Variants in FBXW11 observed in about 807,000 individuals in gnomAD.
The protein encoded by FBXW11 is F-box/WD repeat-containing protein 11.
FBXW11 carries 19 observed loss-of-function variants against 77.6 expected under a neutral mutation model. The ratio of observed to expected loss-of-function variants is 0.24; its 90% CI spans 0.17 to 0.36. The LOEUF (loss-of-function observed/expected upper bound fraction) is 0.36. Among genes scored for constraint, FBXW11 ranks in the 10% least tolerant of loss-of-function variants. The pLI is 1.00. For missense variants in FBXW11, 334 were observed against 704.2 expected, an observed-to-expected ratio of 0.47 and a Z score of 5.95; for synonymous variants, 235 against 249.4, an observed-to-expected ratio of 0.94 and a Z score of 0.54.
chr5:171,889,676 C>T (rs962691954), intron 7 of FBXW11, among the ~76,000 whole-genome samples: 2 of 151,798 alleles, frequency 1.3e-5, no homozygotes, highest in Non-Finnish European at 2.9e-5. Flanking sequence ...CACCTAAAGT[C>T]GGGAGTTTGA....
chr5:171,888,484 G>A (rs373017546), intron 7 of FBXW11, among the ~76,000 whole-genome samples: 1 of 152,204 alleles, frequency 6.6e-6, no homozygotes, highest in Non-Finnish European at 1.5e-5. Context: ...GTGGAAAAGA[G>A]ATTAGAGCCA....
intron 1 of FBXW11, among the ~76,000 whole-genome samples, chr5:171,959,148 C>G (rs1274165380): frequency 1.3e-5 from 2 of 151,328 alleles, no homozygotes; most frequent in Non-Finnish European, 2.9e-5. Flanking sequence ...TCAGAGGAAC[C>G]AAATGGAATA....
At chr5:171,911,338 G>A (rs959541166) in intron 3 of FBXW11, among the ~76,000 whole-genome samples, 3 of 152,150 alleles carry the variant, frequency 2.0e-5, no homozygotes, top group African/African-American at 4.8e-5. Context: ...TAGAGGTTTC[G>A]GTTTTATTAG....
At chr5:172,001,407 G>A (rs1766403426) in intron 1 of FBXW11, among the ~76,000 whole-genome samples, 1 of 152,152 alleles carries the variant, frequency 6.6e-6, no homozygotes, top group South Asian at 2.1e-4. Flanking sequence ...TAAGACACAG[G>A]CAAAAGGCAA....
chr5:171,935,165 G>A (rs1396511123), intron 2 of FBXW11, among the ~76,000 whole-genome samples: 1 of 152,140 alleles, frequency 6.6e-6, no homozygotes, highest in Non-Finnish European at 1.5e-5. Context: ...CACCGTGTTA[G>A]CCAGGACGGT....
intron 7 of FBXW11, among the ~76,000 whole-genome samples, chr5:171,889,222 G>C (rs1759133619): frequency 6.6e-6 from 1 of 152,128 alleles, no homozygotes; most frequent in Admixed American, 6.5e-5. Flanking sequence ...TGGTAAGTTG[G>C]ACTTCATCAA....
At chr5:171,920,301 A>T (rs994779020) in intron 2 of FBXW11, among the ~76,000 whole-genome samples, 44 of 151,950 alleles carry the variant, frequency 2.9e-4, no homozygotes, top group African/African-American at 1.1e-3. Flanking sequence ...TGGTTAGTTC[A>T]TTTAGTCAGG....
intron 1 of FBXW11, among the ~76,000 whole-genome samples, chr5:171,958,177 G>A (rs1390695329): frequency 6.6e-6 from 1 of 152,182 alleles, no homozygotes; most frequent in East Asian, 1.9e-4. Context: ...AGGAAACCGA[G>A]GCTCAAAGGT....
At chr5:171,951,124 CA>C (rs891427153) in intron 2 of FBXW11, among the ~76,000 whole-genome samples, 7 of 151,432 alleles carry the variant, frequency 4.6e-5, no homozygotes, top group African/African-American at 1.5e-4. Context: ...CAAGCAATTA[CA>C]CATACAAAAT....
In FBXW11 at chr5:172,002,414, A is replaced by ATGTGTGTGTGTGTGTG. The variant is rs55720474; in HGVS notation, c.45+4028_45+4043dup. ...AGTGAGGTCCATATATTTTATATAAATGTGTGTGTGTGTGTGTGTGTGTGT... is the reference window on the plus strand; with the variant it reads ...AGTGAGGTCCATATATTTTATATAAATGTGTGTGTGTGTGTGTGTGTGTGTGTGTGTGTGTGTGTGT... On this transcript the variant is annotated intron_variant, in intron 1 of 13. Coordinates refer to ENST00000517395, the MANE Select transcript of FBXW11 (RefSeq NM_001378974.1). Among the ~76,000 whole-genome samples, 414 of 144,060 alleles carry ATGTGTGTGTGTGTGTG rather than the reference A, an allele frequency of 2.9e-3. 3 individuals are homozygous for ATGTGTGTGTGTGTGTG. Among genetic ancestry groups the ATGTGTGTGTGTGTGTG allele is most frequent in the African/African-American group, 0.01 (396 of 38,998 alleles). 94.5% of individuals were successfully genotyped at this position (144,060 alleles called of 152,430 possible). A position where few individuals can be genotyped will look rare whatever the true frequency, so the allele number is the denominator to read the frequency against.
chr5:171,932,812 A>G (rs1037985191), intron 2 of FBXW11, among the ~76,000 whole-genome samples: 9 of 152,106 alleles, frequency 5.9e-5, no homozygotes, highest in African/African-American at 2.2e-4. Flanking sequence ...ATGTTCTTCA[A>G]TAGGTGAATG....
At chr5:171,982,184 A>C (rs1403650079) in intron 1 of FBXW11, among the ~76,000 whole-genome samples, 1 of 152,250 alleles carries the variant, frequency 6.6e-6, no homozygotes, top group Admixed American at 6.5e-5. Flanking sequence ...AAAGCTGATT[A>C]AATAAAAAAC....
chr5:171,880,993 A>T (rs1190961192), intron 7 of FBXW11, among the ~76,000 whole-genome samples: 1 of 152,186 alleles, frequency 6.6e-6, no homozygotes, highest in African/African-American at 2.4e-5. Flanking sequence ...CACCGCGCCC[A>T]GCCATGTTAT....
At chr5:171,894,052 GA>G (rs1402323018) in intron 6 of FBXW11, among the ~76,000 whole-genome samples, 1 of 152,100 alleles carries the variant, frequency 6.6e-6, no homozygotes, top group Non-Finnish European at 1.5e-5. Context: ...ATGTTTCCTA[GA>G]AGTGGGTGAT....
At chr5:171,984,287 A>G (rs1268706291) in intron 1 of FBXW11, among the ~76,000 whole-genome samples, 1 of 152,262 alleles carries the variant, frequency 6.6e-6, no homozygotes, top group Admixed American at 6.5e-5. Flanking sequence ...TGAGCTGTAC[A>G]CTTAAAACAT....
chr5:171,961,557 T>G (rs1763910344), intron 1 of FBXW11, among the ~76,000 whole-genome samples: 1 of 152,194 alleles, frequency 6.6e-6, no homozygotes, highest in African/African-American at 2.4e-5. Flanking sequence ...AGGAGGACAT[T>G]GATCCAATTT....
intron 1 of FBXW11, among the ~76,000 whole-genome samples, chr5:171,978,604 T>C (rs912427451): frequency 1.3e-5 from 2 of 152,172 alleles, no homozygotes; most frequent in South Asian, 2.1e-4. Context: ...AGCCAGAGTC[T>C]ACGCAGAGAA....
At chr5:171,917,181 A>G (rs1424052572) in intron 2 of FBXW11, among the ~76,000 whole-genome samples, 1 of 152,226 alleles carries the variant, frequency 6.6e-6, no homozygotes, top group African/African-American at 2.4e-5. Flanking sequence ...AGCCTCCCAC[A>G]GTGTTGGGAT....
chr5:171,959,613 C>CA (rs1331902234), intron 1 of FBXW11, among the ~76,000 whole-genome samples: 1 of 151,968 alleles, frequency 6.6e-6, no homozygotes, highest in Non-Finnish European at 1.5e-5. Flanking sequence ...TTTGGGAAGC[C>CA]AAGGTGGTCA....
Sources: gnomAD v4.1 joint callset for allele counts (sites outside exome capture counted in the v4.1 genomes callset) on GRCh38, gnomAD v4.1.1 for gene constraint, MANE v1.5 for transcripts, NCBI Gene and HGNC (gene_info 2026-07-23, HGNC 2026-07-21) for gene names.